CTDSPL: variants seen among roughly 807,000 people sequenced by gnomAD.
The protein encoded by CTDSPL is CTD small phosphatase like, also known as CTD small phosphatase-like protein.
A neutral mutation model predicts 30.5 loss-of-function variants in CTDSPL; 8 were observed. That is an observed-to-expected ratio of 0.26 (90% CI 0.15 to 0.47). The LOEUF (loss-of-function observed/expected upper bound fraction) is 0.47. Among genes scored for constraint, CTDSPL ranks in the 20% least tolerant of loss-of-function variants. The pLI, the probability that CTDSPL is intolerant of heterozygous loss-of-function variation, is 0.99. For missense variants in CTDSPL, 248 were observed against 366.1 expected, an observed-to-expected ratio of 0.68 and a Z score of 2.63; for synonymous variants, 110 against 137.9, an observed-to-expected ratio of 0.80 and a Z score of 1.42.
intron 6 of CTDSPL, among the ~76,000 whole-genome samples, chr3:37,974,493 C>A (rs1699403507): frequency 6.6e-6 from 1 of 152,250 alleles, no homozygotes; most frequent in Non-Finnish European, 1.5e-5. Context: ...CTTACTTGGT[C>A]TTGGTGCAGG....
intron 3 of CTDSPL, among the ~76,000 whole-genome samples, chr3:37,962,168 A>G (rs1210951446): frequency 6.6e-6 from 1 of 152,242 alleles, no homozygotes; most frequent in Non-Finnish European, 1.5e-5. Flanking sequence ...TGATTCAAGC[A>G]TCACCTGAAC....
Position 37,862,341 on chromosome 3 carries a change from C to A in CTDSPL, c.79+63C>A. 1 of 1,350,464 alleles carries A rather than the reference C, an allele frequency of 7.4e-7. No homozygotes were observed. 83.7% of individuals were successfully genotyped at this position (1,350,464 alleles called of 1,614,324 possible). A position where few individuals can be genotyped will look rare whatever the true frequency, so the allele number is the denominator to read the frequency against. On this transcript the variant is annotated intron_variant, in intron 1 of 7. Transcript: ENST00000273179. The surrounding 1 kb of genome is among the most constrained non-coding windows in gnomAD (Gnocchi z 4.3). ...GCGCACACCCCGCGCCGCTGGAGTTCACTGCCGGGCGCCGGCATGGGCCTG... is the reference window on the plus strand; with the variant it reads ...GCGCACACCCCGCGCCGCTGGAGTTAACTGCCGGGCGCCGGCATGGGCCTG...
At chr3:37,960,480 C>CAA (rs1208033395) in intron 3 of CTDSPL, among the ~76,000 whole-genome samples, 67 of 4,912 alleles carry the variant, frequency 0.014, 12 homozygotes, top group African/African-American at 0.015. Flanking sequence ...AACTCTGTCT[C>CAA]AAAAAAAAAA....
chr3:37,935,788 G>A (rs1033066390), intron 1 of CTDSPL, among the ~76,000 whole-genome samples: 1 of 152,166 alleles, frequency 6.6e-6, no homozygotes. Context: ...CAGATTCAGA[G>A]TTTCTCTATG....
chr3:37,955,693 G>A (rs1321103323), intron 2 of CTDSPL, among the ~76,000 whole-genome samples: 2 of 152,194 alleles, frequency 1.3e-5, no homozygotes, highest in Non-Finnish European at 2.9e-5. Context: ...CTACTTGAGG[G>A]TGGAGGTTAG....
At position 37,947,250 on chromosome 3, in the gene CTDSPL, C is replaced by T. The variant is rs570133976; in HGVS notation, c.234+39C>T. On this transcript the variant is annotated intron_variant, in intron 2 of 7. Transcript: ENST00000273179. ...AGGAACTGTGCCCTCCATAAAACTG[C>T]AGCAGTGGCATCTCTGTCCCATCCT... is the stretch of plus-strand genomic sequence containing the variant. 9 of 1,588,760 alleles carry T rather than the reference C, an allele frequency of 5.7e-6. No homozygotes were observed. The Admixed American group carries it at 1.2e-4, about 21-fold the overall frequency.
Position 37,948,813 on chromosome 3 carries a change from T to TTTTTTTTTTTC in CTDSPL, c.234+1612_234+1613insCTTTTTTTTTT, listed in dbSNP as rs1559641763. Among the ~76,000 whole-genome samples, 43 of 127,536 alleles carry TTTTTTTTTTTC rather than the reference T, an allele frequency of 3.4e-4. 1 individual carries two copies. The highest frequency in any genetic ancestry group is 1.5e-3 in the African/African-American group (43 of 29,230). 83.7% of individuals were successfully genotyped at this position (127,536 alleles called of 152,430 possible). A position where few individuals can be genotyped will look rare whatever the true frequency, so the allele number is the denominator to read the frequency against. ...AGAGACCATTTTCCAGCTTTCTTTT[T>TTTTTTTTTTTC]TTTTTTTTTTTTTTTTTTGAGACGG... On this transcript the variant is annotated intron_variant, in intron 2 of 7. Transcript: ENST00000273179.
intron 1 of CTDSPL, among the ~76,000 whole-genome samples, chr3:37,885,969 A>G (rs1021010008): frequency 9.2e-5 from 14 of 152,206 alleles, no homozygotes; most frequent in African/African-American, 3.4e-4. Flanking sequence ...CCACAATCTC[A>G]GGGTCCTGGA....
At chr3:37,977,722 T>TG (rs1699445264) in intron 7 of CTDSPL, among the ~76,000 whole-genome samples, 2 of 150,148 alleles carry the variant, frequency 1.3e-5, no homozygotes, top group Admixed American at 1.3e-4. Context: ...ACCCCATCTC[T>TG]TAAAAAAAAA....
intron 1 of CTDSPL, among the ~76,000 whole-genome samples, chr3:37,875,966 G>C (rs1559622114): frequency 6.6e-6 from 1 of 152,018 alleles, no homozygotes. Context: ...TTATTGACTG[G>C]GTGTGGTGGC....
At chr3:37,897,090 G>A (rs1185754776) in intron 1 of CTDSPL, among the ~76,000 whole-genome samples, 1 of 152,152 alleles carries the variant, frequency 6.6e-6, no homozygotes, top group Non-Finnish European at 1.5e-5. Flanking sequence ...TCCTCTTGCA[G>A]TATTATTTTG....
Position 37,980,861 on chromosome 3 carries a change from T to C in CTDSPL, c.825T>C (p.Asn275=). 2 of 1,613,926 alleles carry C rather than the reference T, an allele frequency of 1.2e-6. No homozygotes were observed. The highest frequency in any genetic ancestry group is 8.5e-7 in the Non-Finnish European group (1 of 1,179,862). Residue 275 remains asparagine, a synonymous_variant, in exon 8 of 8, where the codon AAT becomes AAC. Coordinates refer to ENST00000273179, the MANE Select transcript of CTDSPL (RefSeq NM_001008392.2). ...ACAGCATGCTGCACAGACTCTGCAA[T>C]AGGTAGCCCTGGCCTCTGCCTGCCT... ...DVYSMLHRLC[N]R
Position 37,983,289 on chromosome 3 carries a change from A to ATATC in CTDSPL, c.*2426_*2429dup, listed in dbSNP as rs2125638548. 7.8e-6 allele frequency: 1 copy of ATATC among 127,794 alleles called. No individual in the cohort carries two copies. Among genetic ancestry groups the ATATC allele is most frequent in the South Asian group, 2.6e-4 (1 of 3,902 alleles). The allele number at this position is 127,794 out of a possible 1,614,324, so 7.9% of individuals were successfully genotyped here. A position where few individuals can be genotyped will look rare whatever the true frequency, so the allele number is the denominator to read the frequency against. Reference sequence around the variant, plus strand: ...CTTTATGTACATAATCAAAATATCTATATCTATATCTATATCTATATCTAT... The same window carrying ATATC: ...CTTTATGTACATAATCAAAATATCTATATCTATCTATATCTATATCTATATCTAT... On this transcript the variant is annotated 3_prime_UTR_variant, in exon 8 of 8. Coordinates refer to ENST00000273179, the MANE Select transcript of CTDSPL (RefSeq NM_001008392.2).
chr3:37,968,080 A>G (rs573480021), intron 5 of CTDSPL, 198 bp downstream of exon 5: 32 of 545,352 alleles, frequency 5.9e-5, no homozygotes, highest in African/African-American at 5.3e-4. Context: ...AGGAAACTAT[A>G]GTCGTAAATA....
At chr3:37,973,895 T>C (rs1179833043) in intron 6 of CTDSPL, among the ~76,000 whole-genome samples, 1 of 152,256 alleles carries the variant, frequency 6.6e-6, no homozygotes, top group Non-Finnish European at 1.5e-5. Context: ...AGATAGGTGC[T>C]ACCACAAGTG....
In CTDSPL at chr3:37,960,025, G is replaced by A. The variant is rs1699218166; in HGVS notation, c.267+2882G>A. ...TCGCGACCAGCCTGGGCAACATGGT[G>A]AAACCCCATCTCTATAAAATATACA... On this transcript the variant is annotated intron_variant, in intron 3 of 7. Coordinates refer to ENST00000273179, the MANE Select transcript of CTDSPL (RefSeq NM_001008392.2). Among the ~76,000 whole-genome samples the A allele has an allele frequency of 3.3e-5, 5 of 151,814 alleles. No individual in the cohort carries two copies. The South Asian group carries it at 1.0e-3, about 32-fold the overall frequency.
intron 3 of CTDSPL, among the ~76,000 whole-genome samples, chr3:37,960,491 A>ATAAAT (rs1559645045): frequency 5.2e-5 from 3 of 57,332 alleles, no homozygotes; most frequent in African/African-American, 2.5e-4. Flanking sequence ...AAAAAAAAAA[A>ATAAAT]AAAAAAAAAA....
chr3:37,906,930 GT>G (rs146830172), intron 1 of CTDSPL, among the ~76,000 whole-genome samples: 8,846 of 152,244 alleles, frequency 0.058, 298 homozygotes, highest in South Asian at 0.11. Context: ...AGGCGTCTGT[GT>G]TCAAACTGCT....
intron 1 of CTDSPL, among the ~76,000 whole-genome samples, chr3:37,926,727 C>T (rs1401284481): frequency 6.6e-6 from 1 of 152,046 alleles, no homozygotes; most frequent in African/African-American, 2.4e-5. Context: ...TGGCTTTTGT[C>T]CATAGATAAG....
Sources: gnomAD v4.1 joint callset for allele counts (sites outside exome capture counted in the v4.1 genomes callset) on GRCh38, gnomAD v4.1.1 for gene constraint, Gnocchi (gnomAD v3.1) non-coding constraint, MANE v1.5 for transcripts, NCBI Gene and HGNC (gene_info 2026-07-23, HGNC 2026-07-21) for gene names.